MEF2A: variants seen among roughly 807,000 people sequenced by gnomAD.
MEF2A encodes the protein myocyte enhancer factor 2A.
In MEF2A, 28 loss-of-function variants were observed where a neutral mutation model predicts 55.8. The observed-to-expected ratio is 0.50, with a 90% confidence interval of 0.37 to 0.69. MEF2A has a LOEUF of 0.69. Among genes scored for constraint, MEF2A ranks in the 30% least tolerant of loss-of-function variants. The pLI is 0.00. For synonymous variants in MEF2A, 239 were observed against 227.1 expected, an observed-to-expected ratio of 1.05 and a Z score of -0.47; for missense variants, 528 against 626.2, an observed-to-expected ratio of 0.84 and a Z score of 1.67.
At chr15:99,572,798 C>T (rs911541216) in intron 1 of MEF2A, among the ~76,000 whole-genome samples, 1 of 152,204 alleles carries the variant, frequency 6.6e-6, no homozygotes, top group Non-Finnish European at 1.5e-5. Flanking sequence ...ATGATACATG[C>T]ACTATTTGTA....
rs201858890 is a variant in MEF2A at position 99,602,725 on chromosome 15, TGTGTGG to T, written c.-143+4216_-143+4221del. 4.6e-3 allele frequency among the ~76,000 whole-genome samples: 159 copies of T among 34,324 alleles called. 1 individual carries two copies. Among genetic ancestry groups the T allele is most frequent in the Non-Finnish European group, 8.4e-3 (116 of 13,816 alleles). 22.5% of individuals were successfully genotyped at this position (34,324 alleles called of 152,430 possible). A position where few individuals can be genotyped will look rare whatever the true frequency, so the allele number is the denominator to read the frequency against. ...AGGGGTGGGGAGCTTTTTGTGTGTG[TGTGTGG>T]GGGGGTGGGGGTGGGGAGCTTTTCG... is the stretch of plus-strand genomic sequence containing the variant. On this transcript the variant is annotated intron_variant, in intron 2 of 11. Transcript: ENST00000557942.
intron 1 of MEF2A, among the ~76,000 whole-genome samples, chr15:99,579,507 G>C (rs952842842): frequency 1.3e-5 from 2 of 152,026 alleles, no homozygotes; most frequent in Non-Finnish European, 2.9e-5. Flanking sequence ...CGATTCTTGT[G>C]CTTCAGCCTC....
At chr15:99,663,242 C>T (rs535269236) in intron 4 of MEF2A, among the ~76,000 whole-genome samples, 1 of 151,986 alleles carries the variant, frequency 6.6e-6, no homozygotes, top group South Asian at 2.1e-4. Flanking sequence ...ATTTAAGAGC[C>T]CATATGCTTT....
At chr15:99,672,416 A>C (rs1450702408) in intron 5 of MEF2A, among the ~76,000 whole-genome samples, 1 of 152,242 alleles carries the variant, frequency 6.6e-6, no homozygotes, top group Non-Finnish European at 1.5e-5. Context: ...CCTAGACTTG[A>C]TAGTTTTTCA....
At chr15:99,656,063 T>C (rs1336154512) in intron 4 of MEF2A, among the ~76,000 whole-genome samples, 1 of 152,152 alleles carries the variant, frequency 6.6e-6, no homozygotes, top group Non-Finnish European at 1.5e-5. Flanking sequence ...GGTAGTGTTG[T>C]GTACTTCCGC....
chr15:99,583,064 C>G (rs915041804), intron 1 of MEF2A, among the ~76,000 whole-genome samples: 3 of 152,210 alleles, frequency 2.0e-5, no homozygotes, highest in African/African-American at 7.2e-5. Context: ...TGTCACGTTA[C>G]TTGTAAGAGA....
rs566132820 is a variant in MEF2A, at chr15:99,588,906, A to G, written c.-224-9524A>G. Among the ~76,000 whole-genome samples the G allele has an allele frequency of 2.6e-5, 4 of 152,192 alleles. No homozygotes were observed. The East Asian group carries it at 7.7e-4, about 29-fold the overall frequency. On this transcript the variant is annotated intron_variant, in intron 1 of 11. Coordinates refer to ENST00000557942, the MANE Select transcript of MEF2A (RefSeq NM_001319206.4). ...ATACTGAACCAACCTTGTATTCCTG[A>G]GACAAACCCCATCTGTACTGATATT...
chr15:99,637,096 T>C (rs1327663761), intron 3 of MEF2A, among the ~76,000 whole-genome samples: 1 of 152,086 alleles, frequency 6.6e-6, no homozygotes, highest in East Asian at 1.9e-4. Flanking sequence ...TAATTTGATA[T>C]CTGGTGGTGT....
intron 1 of MEF2A, among the ~76,000 whole-genome samples, chr15:99,590,459 A>G (rs1226999646): frequency 1.3e-5 from 2 of 148,764 alleles, no homozygotes; most frequent in Admixed American, 6.8e-5. Context: ...CTACTGTTTA[A>G]TTGAGGTTTG....
rs145852008 is a variant in MEF2A at position 99,624,622 on chromosome 15, G to T, written c.-142-8356G>T. Reference sequence around the variant, plus strand: ...AATCAGGTGTGAGTCCTTCAACTTTGTTCTTTTTCAAGATTATTTTGGCTA... The same window carrying T: ...AATCAGGTGTGAGTCCTTCAACTTTTTTCTTTTTCAAGATTATTTTGGCTA... On this transcript the variant is annotated intron_variant, in intron 2 of 11. Coordinates refer to ENST00000557942, the MANE Select transcript of MEF2A (RefSeq NM_001319206.4). 4.1e-3 allele frequency among the ~76,000 whole-genome samples: 622 copies of T among 152,154 alleles called. 7 individuals carry two copies. The highest frequency in any genetic ancestry group is 0.014 in the African/African-American group (601 of 41,498).
chr15:99,689,878 C>T lies in MEF2A; in HGVS notation c.671-363C>T, dbSNP rs77050470. Among the ~76,000 whole-genome samples, 1,462 of 152,268 alleles carry T rather than the reference C, an allele frequency of 9.6e-3. 20 individuals are homozygous for T. The highest frequency in any genetic ancestry group is 0.032 in the African/African-American group (1,316 of 41,548). On this transcript the variant is annotated intron_variant, in intron 7 of 11. Coordinates refer to ENST00000557942, the MANE Select transcript of MEF2A (RefSeq NM_001319206.4). ...AGCTTTATATGTATTTCAGACTTTG[C>T]TTGTCTTCCTTTGCTTATTTTTAAG...
chr15:99,636,296 T>C lies in MEF2A; in HGVS notation c.54+3123T>C, dbSNP rs533429186. On this transcript the variant is annotated intron_variant, in intron 3 of 11. Transcript: ENST00000557942. ...TCAGGTGAGTGTTTTGTCCATGATA[T>C]GCATTATAAATATTAGCTCTAAAAC... Among the ~76,000 whole-genome samples the C allele has an allele frequency of 1.6e-4, 25 of 152,350 alleles. 1 individual carries two copies. The highest frequency in any genetic ancestry group is 6.2e-4 in the South Asian group (3 of 4,826).
At chr15:99,659,721 T>A (rs2048329662) in intron 4 of MEF2A, among the ~76,000 whole-genome samples, 1 of 152,176 alleles carries the variant, frequency 6.6e-6, no homozygotes, top group Non-Finnish European at 1.5e-5. Flanking sequence ...TTCTCCTCTA[T>A]AAGGGTAGAA....
intron 4 of MEF2A, among the ~76,000 whole-genome samples, chr15:99,656,884 A>T (rs551379192): frequency 1.3e-5 from 2 of 152,134 alleles, no homozygotes; most frequent in East Asian, 1.9e-4. Context: ...AGTTGGTACA[A>T]CCATGAACGC....
chr15:99,617,223 G>C (rs576845377), intron 2 of MEF2A, among the ~76,000 whole-genome samples: 1 of 149,294 alleles, frequency 6.7e-6, no homozygotes, highest in African/African-American at 2.5e-5. Context: ...CTTCAGAACT[G>C]TATGAGAAGT....
At chr15:99,633,779 T>G (rs2043300825) in intron 3 of MEF2A, among the ~76,000 whole-genome samples, 1 of 152,202 alleles carries the variant, frequency 6.6e-6, no homozygotes, top group South Asian at 2.1e-4. Flanking sequence ...GCCAGAAGTT[T>G]TAAGTGTCTA....
At chr15:99,682,905 A>G (rs1204955966) in intron 7 of MEF2A, among the ~76,000 whole-genome samples, 1 of 152,254 alleles carries the variant, frequency 6.6e-6, no homozygotes, top group Non-Finnish European at 1.5e-5. Flanking sequence ...AATCTTCTAA[A>G]TAATATCAGA....
chr15:99,659,703 CT>C (rs1313146822), intron 4 of MEF2A, among the ~76,000 whole-genome samples: 1 of 152,092 alleles, frequency 6.6e-6, no homozygotes, highest in Non-Finnish European at 1.5e-5. Context: ...TCTCTTTTAA[CT>C]TTAATATTCT....
intron 8 of MEF2A, among the ~76,000 whole-genome samples, chr15:99,693,434 C>CGT (rs2055879657): frequency 6.6e-6 from 1 of 151,952 alleles, no homozygotes; most frequent in Non-Finnish European, 1.5e-5. Flanking sequence ...CACACACACA[C>CGT]ACAGATGTAT....
Sources: allele counts gnomAD v4.1 joint callset (sites outside exome capture counted in the v4.1 genomes callset), GRCh38; gene constraint gnomAD v4.1.1; transcripts MANE v1.5; gene names NCBI Gene and HGNC (gene_info 2026-07-23, HGNC 2026-07-21).